RER1: variants seen among roughly 807,000 people sequenced by gnomAD.
RER1 encodes the protein retention in endoplasmic reticulum sorting receptor 1, also known as protein RER1.
RER1 carries 6 observed loss-of-function variants against 28.3 expected under a neutral mutation model. The ratio of observed to expected loss-of-function variants is 0.21; its 90% confidence interval spans 0.12 to 0.42. The LOEUF (loss-of-function observed/expected upper bound fraction) is 0.42, where lower values mean the gene tolerates loss of function less well. Ranked by LOEUF, RER1 falls within the 10% of genes least tolerant of loss-of-function variation. RER1 has a pLI of 1.00. For missense variants in RER1, 159 were observed against 252.9 expected (o/e 0.63, Z 2.52); for synonymous variants, 110 against 95.9 (o/e 1.15, Z -0.86).
intron 5 of RER1, among the ~76,000 whole-genome samples, chr1:2,401,373 CCTCCCTCCTCCTCCCTCCT>C (rs1642857102): frequency 3.2e-4 from 1 of 3,138 alleles, no homozygotes; most frequent in East Asian, 4.4e-3. Context: ...CTCCCTCCTT[CCTCCCTCCTCCTCCCTCCT>C]CCTCCCTCCT....
At chr1:2,401,103 T>G (rs1171324469) in intron 5 of RER1, among the ~76,000 whole-genome samples, 168 bp downstream of exon 5, 1 of 151,992 alleles carries the variant, frequency 6.6e-6, no homozygotes, top group African/African-American at 2.4e-5. Context: ...CTTGCCGCAT[T>G]CTCTTGGTTT....
chr1:2,394,348 G>GC (rs1642737309), intron 1 of RER1: 1 of 152,230 alleles, frequency 6.6e-6, no homozygotes, highest in Non-Finnish European at 1.5e-5. Flanking sequence ...TCACTTCAGC[G>GC]CATCAGTTGT....
At position 2,403,760 on chromosome 1, in the gene RER1, GATT is replaced by G. The variant is rs923578251; in HGVS notation, c.*640_*642del. On this transcript the variant is annotated 3_prime_UTR_variant, in exon 7 of 7. Transcript: ENST00000605895. ...TATATATTATATTTTAATTGTTTGA[GATT>G]ATTTTGACACATTTCTTTGATACGT... is the stretch of plus-strand genomic sequence containing the variant. The G allele has an allele frequency of 1.5e-4, 23 of 152,650 alleles. No individual in the cohort carries two copies. Among genetic ancestry groups the G allele is most frequent in the African/African-American group, 5.3e-4 (22 of 41,550 alleles). The allele number at this position is 152,650 out of a possible 1,614,324, so 9.5% of individuals were successfully genotyped here.
intron 1 of RER1, among the ~76,000 whole-genome samples, chr1:2,393,663 T>G (rs949016512): frequency 1.3e-5 from 2 of 152,222 alleles, no homozygotes; most frequent in Non-Finnish European, 2.9e-5. Flanking sequence ...CATCCTGGAA[T>G]AGCCTGTCCT....
chr1:2,399,566 T>C, intron 4 of RER1, 52 bp downstream of exon 4: 1 of 1,099,272 alleles, frequency 9.1e-7, no homozygotes, highest in Non-Finnish European at 1.4e-6. Flanking sequence ...GCCTTTCTTT[T>C]CTGATGGGAT....
chr1:2,395,598 T>C, intron 1 of RER1, 186 bp from the exon 2 acceptor site: 1 of 587,138 alleles, frequency 1.7e-6, no homozygotes, highest in South Asian at 2.0e-5. Flanking sequence ...ACGCTGCCCT[T>C]CCTCTCCAGG....
chr1:2,400,620 C>A (rs981334022), intron 4 of RER1, among the ~76,000 whole-genome samples: 4 of 152,238 alleles, frequency 2.6e-5, no homozygotes, highest in East Asian at 1.9e-4. Context: ...TGGTTGAATT[C>A]TTCGTGCATT....
At chr1:2,395,114 GAATT>G (rs1642749300) in intron 1 of RER1, 1 of 152,512 alleles carries the variant, frequency 6.6e-6, no homozygotes, top group Non-Finnish European at 1.5e-5. Context: ...GAGCATCTGG[GAATT>G]AAGTGGGTGA....
intron 1 of RER1, among the ~76,000 whole-genome samples, chr1:2,393,484 G>A (rs181304013): frequency 6.6e-6 from 1 of 152,332 alleles, no homozygotes; most frequent in African/African-American, 2.4e-5. Context: ...GAAGAGGACT[G>A]CAGAGGGGGC....
At position 2,403,410 on chromosome 1, in the gene RER1, G is replaced by A. The variant is rs538382959; in HGVS notation, c.*286G>A. On this transcript the variant is annotated 3_prime_UTR_variant, in exon 7 of 7. Coordinates refer to ENST00000605895, the MANE Select transcript of RER1 (RefSeq NM_007033.5). ...GGGTGGAGCCCATGGGAGCAAGGGC[G>A]AGTGGCCGGTCCCCGCTGTGCCAGG... 134 of 382,146 alleles carry A rather than the reference G, an allele frequency of 3.5e-4. 1 individual carries two copies. The Admixed American group carries it at 5.1e-3, about 15-fold the overall frequency. 23.7% of individuals were successfully genotyped at this position (382,146 alleles called of 1,614,324 possible). A position where few individuals can be genotyped will look rare whatever the true frequency, so the allele number is the denominator to read the frequency against.
intron 4 of RER1, among the ~76,000 whole-genome samples, chr1:2,400,225 G>A (rs1642826258): frequency 6.6e-6 from 1 of 152,254 alleles, no homozygotes; most frequent in Non-Finnish European, 1.5e-5. Context: ...GGAACCTGCT[G>A]TCAGGGAGTA....
intron 4 of RER1, among the ~76,000 whole-genome samples, chr1:2,400,634 A>G (rs1040822984): frequency 6.6e-6 from 1 of 152,190 alleles, no homozygotes; most frequent in African/African-American, 2.4e-5. Context: ...GTGCATTGAA[A>G]ACGTGTGGAA....
intron 1 of RER1, 60 bp from the exon 2 acceptor site, chr1:2,395,724 G>T: frequency 8.4e-7 from 1 of 1,191,144 alleles, no homozygotes; most frequent in Non-Finnish European, 1.3e-6. Flanking sequence ...TGAAAATAGG[G>T]CCAGGATTTC....
chr1:2,402,148 C>T, intron 5 of RER1, 59 bp from the exon 6 acceptor site: 4 of 1,613,884 alleles, frequency 2.5e-6, no homozygotes, highest in Non-Finnish European at 3.4e-6. Flanking sequence ...CTGGAGGCGG[C>T]CGGCAGGTGC....
At position 2,405,311 on chromosome 1, in the gene RER1, T is replaced by G. The variant is rs976509906; in HGVS notation, c.*2187T>G. On this transcript the variant is annotated 3_prime_UTR_variant, in exon 7 of 7. Transcript: ENST00000605895. ...GGGCTGCTGTTCTCACTGCACTGGC[T>G]GAAGCAACCCGCCAGCCTCCGTGCC... 5.8e-5 allele frequency: 19 copies of G among 329,970 alleles called. No individual in the cohort carries two copies. The highest frequency in any genetic ancestry group is 1.0e-4 in the Non-Finnish European group (17 of 169,922). 20.4% of individuals were successfully genotyped at this position (329,970 alleles called of 1,614,324 possible).
In RER1 at chr1:2,403,021, G is replaced by T. The variant is rs777170821; in HGVS notation, c.502-14G>T. 1 of 1,608,954 alleles carries T rather than the reference G, an allele frequency of 6.2e-7. No individual in the cohort carries two copies. Among genetic ancestry groups the T allele is most frequent in the South Asian group, 1.1e-5 (1 of 90,518 alleles). ...GCGGTTGTGCAGTAACTGAGTCTGT[G>T]TTTCTCTCCCCAGCACATGATTAAG... On this transcript the variant is annotated splice_polypyrimidine_tract_variant and intron_variant, in intron 6 of 6. Transcript: ENST00000605895.
At chr1:2,401,787 G>A (rs1038401986) in intron 5 of RER1, among the ~76,000 whole-genome samples, 23 of 152,240 alleles carry the variant, frequency 1.5e-4, no homozygotes, top group Non-Finnish European at 7.4e-5. Flanking sequence ...CTCCAGGGCC[G>A]TGGCATCTGT....
chr1:2,392,828 T>A (rs1224209382), intron 1 of RER1, among the ~76,000 whole-genome samples: 3 of 152,104 alleles, frequency 2.0e-5, no homozygotes, highest in Admixed American at 1.3e-4. Flanking sequence ...AGATATAAGA[T>A]GGTCAGGCCC....
intron 1 of RER1, among the ~76,000 whole-genome samples, 178 bp downstream of exon 1, chr1:2,392,136 G>T (rs893521833): frequency 2.0e-5 from 3 of 151,578 alleles, no homozygotes; most frequent in Non-Finnish European, 4.4e-5. Flanking sequence ...GGTACGGGTC[G>T]CGCCTCGGGG....
Sources: gnomAD v4.1 joint callset for allele counts (sites outside exome capture counted in the v4.1 genomes callset) on GRCh38, gnomAD v4.1.1 for gene constraint, MANE v1.5 for transcripts, NCBI Gene and HGNC (gene_info 2026-07-23, HGNC 2026-07-21) for gene names.